SLC1A2: variants seen among roughly 807,000 people sequenced by gnomAD.
SLC1A2 encodes the protein excitatory amino acid transporter 2.
A neutral mutation model predicts 48.8 loss-of-function variants in SLC1A2; 15 were observed. That is an observed-to-expected ratio of 0.31 (90% CI 0.21 to 0.47). The LOEUF (loss-of-function observed/expected upper bound fraction) is 0.47. SLC1A2 is among the 20% of genes least tolerant of loss of function. The probability of loss-of-function intolerance (pLI) is 0.99; values close to 1 mark genes in which losing one functional copy is unlikely to be tolerated. For synonymous variants in SLC1A2, 279 were observed against 272.6 expected, an observed-to-expected ratio of 1.02 and a Z score of -0.23; for missense variants, 502 against 730.5, an observed-to-expected ratio of 0.69 and a Z score of 3.61.
At chr11:35,294,804 T>C (rs570280816) in intron 6 of SLC1A2, among the ~76,000 whole-genome samples, 340 of 152,268 alleles carry the variant, frequency 2.2e-3, no homozygotes, top group Middle Eastern at 3.4e-3. Context: ...ACAGTTTACC[T>C]CTGGGGCACT....
intron 10 of SLC1A2, among the ~76,000 whole-genome samples, chr11:35,263,759 AACATTAT>A (rs1950434777): frequency 6.6e-6 from 1 of 152,242 alleles, no homozygotes; most frequent in Non-Finnish European, 1.5e-5. Flanking sequence ...TCATCATTAC[AACATTAT>A]ACATTCTTTT....
intron 1 of SLC1A2, among the ~76,000 whole-genome samples, chr11:35,344,752 G>A (rs950698861): frequency 4.6e-5 from 7 of 152,290 alleles, no homozygotes; most frequent in African/African-American, 1.7e-4. Flanking sequence ...AAAAAGAATG[G>A]GAGACCCTTC....
intron 1 of SLC1A2, among the ~76,000 whole-genome samples, chr11:35,336,488 T>C (rs1169534207): frequency 1.3e-5 from 2 of 152,190 alleles, no homozygotes; most frequent in Non-Finnish European, 2.9e-5. Context: ...CTCTCAACAT[T>C]TATGGAACAT....
At position 35,253,582 on chromosome 11, in the gene SLC1A2, TAGAA is replaced by T. The variant is rs1950272167; in HGVS notation, c.*7308_*7311del. On this transcript the variant is annotated 3_prime_UTR_variant, in exon 11 of 11. Coordinates refer to ENST00000278379, the MANE Select transcript of SLC1A2 (RefSeq NM_004171.4). Reference sequence around the variant, plus strand: ...AAAAAATCAGCACCATTCCTTGAGTTAGAAAGATGAATTATTTAGATGTATATCC... The same window carrying T: ...AAAAAATCAGCACCATTCCTTGAGTTAGATGAATTATTTAGATGTATATCC... 6.6e-6 allele frequency: 1 copy of T among 152,644 alleles called. No individual in the cohort carries two copies. The highest frequency in any genetic ancestry group is 2.4e-5 in the African/African-American group (1 of 41,458). The allele number at this position is 152,644 out of a possible 1,614,324, so 9.5% of individuals were successfully genotyped here. A position where few individuals can be genotyped will look rare whatever the true frequency, so the allele number is the denominator to read the frequency against.
chr11:35,287,407 G>A (rs954552582), intron 7 of SLC1A2, among the ~76,000 whole-genome samples: 1 of 152,082 alleles, frequency 6.6e-6, no homozygotes, highest in African/African-American at 2.4e-5. Context: ...CCGATAAAAT[G>A]ACTGAATGGA....
At chr11:35,278,080 T>C (rs1200588732) in intron 9 of SLC1A2, among the ~76,000 whole-genome samples, 2 of 152,084 alleles carry the variant, frequency 1.3e-5, no homozygotes, top group Non-Finnish European at 2.9e-5. Context: ...GGGACGCCAC[T>C]ACCACCACCT....
chr11:35,357,051 C>T (rs143617848), intron 1 of SLC1A2, among the ~76,000 whole-genome samples: 188 of 152,008 alleles, frequency 1.2e-3, no homozygotes, highest in South Asian at 2.9e-3. Context: ...ACCATCCTAT[C>T]TAACATGGTA....
intron 1 of SLC1A2, among the ~76,000 whole-genome samples, chr11:35,382,827 G>A (rs1854474043): frequency 6.6e-6 from 1 of 152,088 alleles, no homozygotes; most frequent in Non-Finnish European, 1.5e-5. Context: ...TAAAGGGTAG[G>A]TGAATGATCT....
At chr11:35,272,190 A>T (rs1190395000) in intron 9 of SLC1A2, among the ~76,000 whole-genome samples, 2 of 152,212 alleles carry the variant, frequency 1.3e-5, no homozygotes, top group Non-Finnish European at 2.9e-5. Flanking sequence ...GTTCCTAGAG[A>T]GATCAGAGAG....
At chr11:35,283,082 G>A (rs895849355) in intron 8 of SLC1A2, among the ~76,000 whole-genome samples, 1 of 152,070 alleles carries the variant, frequency 6.6e-6, no homozygotes, top group Admixed American at 6.5e-5. Flanking sequence ...GGTAACACCT[G>A]CTTTCACCGT....
chr11:35,299,371 G>GTGTA (rs1187157185), intron 6 of SLC1A2: 5 of 116,180 alleles, frequency 4.3e-5, no homozygotes, highest in African/African-American at 1.3e-4. Flanking sequence ...GTGTGTGTGT[G>GTGTA]TATATATATA....
intron 1 of SLC1A2, chr11:35,380,551 G>A (rs1045838663): frequency 2.5e-6 from 1 of 397,034 alleles, no homozygotes; most frequent in Non-Finnish European, 4.4e-6. Context: ...GCTGCAAAAA[G>A]ACAGTGCAAA....
intron 1 of SLC1A2, among the ~76,000 whole-genome samples, chr11:35,345,849 T>A (rs775261936): frequency 6.6e-6 from 1 of 152,226 alleles, no homozygotes; most frequent in Non-Finnish European, 1.5e-5. Context: ...TAATAGCCAA[T>A]GCTTGTACCA....
chr11:35,382,638 A>G (rs1004027619), intron 1 of SLC1A2, among the ~76,000 whole-genome samples: 1 of 152,212 alleles, frequency 6.6e-6, no homozygotes. Context: ...TCTACTAAAA[A>G]TACAAAAATT....
At chr11:35,283,858 C>A (rs1850719720) in intron 8 of SLC1A2, among the ~76,000 whole-genome samples, 2 of 151,780 alleles carry the variant, frequency 1.3e-5, no homozygotes, top group African/African-American at 4.8e-5. Context: ...GATGTCACAG[C>A]CACATTTTTC....
intron 6 of SLC1A2, among the ~76,000 whole-genome samples, chr11:35,294,492 C>A (rs1851110055): frequency 6.6e-6 from 1 of 152,106 alleles, no homozygotes; most frequent in Non-Finnish European, 1.5e-5. Context: ...TCTCAGGGAC[C>A]AGCACTTCAT....
rs766276856 is a variant in SLC1A2, at chr11:35,256,527, A to G, written c.*4367T>C. The stretch of plus-strand genomic sequence containing the variant: ...GGCACTCAGTGATCCCTCTAGGCTT[A>G]ACCAGAAATTACTACAGATACTGAG... On this transcript the variant is annotated 3_prime_UTR_variant, in exon 11 of 11. Coordinates refer to ENST00000278379, the MANE Select transcript of SLC1A2 (RefSeq NM_004171.4). 6.6e-6 allele frequency: 1 copy of G among 152,556 alleles called. No individual in the cohort carries two copies. The highest frequency in any genetic ancestry group is 2.4e-5 in the African/African-American group (1 of 41,436). The allele number at this position is 152,556 out of a possible 1,614,324, so 9.5% of individuals were successfully genotyped here. A position where few individuals can be genotyped will look rare whatever the true frequency, so the allele number is the denominator to read the frequency against.
At chr11:35,367,910 A>T (rs2135153605) in intron 1 of SLC1A2, among the ~76,000 whole-genome samples, 1 of 152,354 alleles carries the variant, frequency 6.6e-6, no homozygotes, top group Non-Finnish European at 1.5e-5. Context: ...GGTGGAAGTG[A>T]AAATGAATAT....
chr11:35,310,459 G>A (rs1851652436), intron 4 of SLC1A2, among the ~76,000 whole-genome samples: 1 of 152,118 alleles, frequency 6.6e-6, no homozygotes, highest in Admixed American at 6.5e-5. Context: ...AACTTCCCTG[G>A]CGTGGAATGG....
Sources: gnomAD v4.1 joint callset for allele counts (sites outside exome capture counted in the v4.1 genomes callset) on GRCh38, gnomAD v4.1.1 for gene constraint, MANE v1.5 for transcripts, NCBI Gene and HGNC (gene_info 2026-07-23, HGNC 2026-07-21) for gene names.